Variants in ANXA6 observed in about 807,000 individuals in gnomAD.
ANXA6 encodes annexin A6.
A neutral mutation model predicts 95.4 loss-of-function variants in ANXA6; 71 were observed. The ratio of observed to expected loss-of-function variants is 0.74; its 90% CI spans 0.61 to 0.91. The LOEUF (loss-of-function observed/expected upper bound fraction) is 0.91. Ranked by LOEUF, ANXA6 falls within the 40% of genes least tolerant of loss-of-function variation. The probability of loss-of-function intolerance (pLI) is 0.00; values close to 1 mark genes in which losing one functional copy is unlikely to be tolerated. For missense variants in ANXA6, 830 were observed against 876.4 expected, an observed-to-expected ratio of 0.95 and a Z score of 0.67; for synonymous variants, 289 against 315.9, an observed-to-expected ratio of 0.91 and a Z score of 0.90.
chr5:151,155,392 G>A (rs990995), intron 1 of ANXA6: 94,440 of 151,904 alleles, frequency 0.62, 29,649 homozygotes, highest in East Asian at 0.88. Context: ...TGAAGGTATC[G>A]ATCTCATTCT....
chr5:151,133,339 T>A, intron 8 of ANXA6, 152 bp from the exon 9 acceptor site: 1 of 600,434 alleles, frequency 1.7e-6, no homozygotes, highest in Non-Finnish European at 3.0e-6. Flanking sequence ...ATGCATCATT[T>A]AATGATGGGG....
At chr5:151,145,897 C>T (rs1444000672) in intron 2 of ANXA6, among the ~76,000 whole-genome samples, 2 of 152,124 alleles carry the variant, frequency 1.3e-5, no homozygotes, top group African/African-American at 2.4e-5. Context: ...CCACTCTGAG[C>T]CCCCTTGTTC....
chr5:151,107,428 C>T (rs1200083297), intron 23 of ANXA6, among the ~76,000 whole-genome samples: 1 of 152,148 alleles, frequency 6.6e-6, no homozygotes, highest in Non-Finnish European at 1.5e-5. Flanking sequence ...TGCTTTTATT[C>T]GTCGGGCTAT....
chr5:151,148,289 G>A (rs563019344), intron 1 of ANXA6, among the ~76,000 whole-genome samples: 1 of 152,150 alleles, frequency 6.6e-6, no homozygotes, highest in Non-Finnish European at 1.5e-5. Context: ...TTTTTATAGA[G>A]AGGAAACTGA....
intron 23 of ANXA6, among the ~76,000 whole-genome samples, chr5:151,108,090 T>G (rs899784167): frequency 1.3e-5 from 2 of 152,108 alleles, no homozygotes; most frequent in Non-Finnish European, 2.9e-5. Context: ...TGAGTGTGTG[T>G]CACATGTGAG....
chr5:151,142,481 C>CA (rs35440128), intron 2 of ANXA6, among the ~76,000 whole-genome samples: 15,938 of 132,796 alleles, frequency 0.12, 986 homozygotes, highest in South Asian at 0.19. Flanking sequence ...GACTCTGTCT[C>CA]AAAAAAAAAA....
chr5:151,108,794 TG>T (rs1764769544), intron 22 of ANXA6, among the ~76,000 whole-genome samples: 1 of 152,202 alleles, frequency 6.6e-6, no homozygotes. Flanking sequence ...GCCTGGCCAA[TG>T]GTCTTAGAAC....
chr5:151,138,685 G>A lies in ANXA6; in HGVS notation c.311C>T (p.Ala104Val). ...TACACCCCCACTTCTTACCGAGATG[G>A]CATCTTTAATTTCTTTGGCATCACA... ...AYCDAKEIKD[A>V]ISGIGTDEKC... Residue 104 changes from alanine to valine, a missense_variant, in exon 5 of 26, where the codon GCC (alanine) becomes GTC (valine). Transcript: ENST00000354546. 6.2e-7 allele frequency: 1 copy of A among 1,611,316 alleles called. No individual in the cohort carries two copies. Among genetic ancestry groups the A allele is most frequent in the Middle Eastern group, 1.7e-4 (1 of 6,052 alleles).
chr5:151,142,620 C>T (rs1765867388), intron 2 of ANXA6, among the ~76,000 whole-genome samples: 1 of 152,234 alleles, frequency 6.6e-6, no homozygotes, highest in South Asian at 2.1e-4. Flanking sequence ...TAAGACAAAT[C>T]ATTCTGCCTA....
chr5:151,113,227 C>G lies in ANXA6; in HGVS notation c.1573-2583G>C, dbSNP rs182638735. ...ACCAGTCTGGCCAACATGGTGAAACCCTGTCTCTACTAAAAATACAAAAAA... is the reference window on the plus strand; with the variant it reads ...ACCAGTCTGGCCAACATGGTGAAACGCTGTCTCTACTAAAAATACAAAAAA... On this transcript the variant is annotated intron_variant, in intron 20 of 25. Transcript: ENST00000354546. 9.4e-3 allele frequency among the ~76,000 whole-genome samples: 1,435 copies of G among 152,138 alleles called. 21 individuals carry two copies. Among genetic ancestry groups the G allele is most frequent in the African/African-American group, 0.033 (1,371 of 41,472 alleles).
At position 151,101,039 on chromosome 5, in the gene ANXA6, C is replaced by A. The variant is rs959008053; in HGVS notation, c.*409G>T. ...AGCACATTTACTATCCTTCCCACCACCCCGCCCAGCACATTCAACTGGCCC... is the reference window on the plus strand; with the variant it reads ...AGCACATTTACTATCCTTCCCACCAACCCGCCCAGCACATTCAACTGGCCC... On this transcript the variant is annotated 3_prime_UTR_variant, in exon 26 of 26. Coordinates refer to ENST00000354546, the MANE Select transcript of ANXA6 (RefSeq NM_001155.5). The A allele has an allele frequency of 4.3e-6, 2 of 467,988 alleles. No homozygotes were observed. Among genetic ancestry groups the A allele is most frequent in the Non-Finnish European group, 8.5e-6 (2 of 235,188 alleles). 29.0% of individuals were successfully genotyped at this position (467,988 alleles called of 1,614,324 possible).
chr5:151,130,142 A>G (rs1765454722), intron 11 of ANXA6, among the ~76,000 whole-genome samples: 1 of 152,146 alleles, frequency 6.6e-6, no homozygotes, highest in Non-Finnish European at 1.5e-5. Context: ...ACCACTGTGC[A>G]TTTAGGTTTT....
chr5:151,131,596 G>A (rs1450529937), intron 10 of ANXA6, among the ~76,000 whole-genome samples: 1 of 152,138 alleles, frequency 6.6e-6, no homozygotes, highest in Non-Finnish European at 1.5e-5. Flanking sequence ...TAGGGTCTGG[G>A]GCGAAGGAGG....
intron 15 of ANXA6, among the ~76,000 whole-genome samples, chr5:151,123,489 T>C (rs760467587): frequency 1.2e-4 from 18 of 152,222 alleles, no homozygotes; most frequent in Non-Finnish European, 2.5e-4. Flanking sequence ...CCACAGCAGG[T>C]TGACTCTGGA....
At chr5:151,119,962 C>T (rs1219628107) in intron 17 of ANXA6, among the ~76,000 whole-genome samples, 2 of 152,190 alleles carry the variant, frequency 1.3e-5, no homozygotes, top group Admixed American at 1.3e-4. Context: ...TCACTGCAAC[C>T]TCCGCCTCCC....
intron 25 of ANXA6, 63 bp from the exon 26 acceptor site, chr5:151,101,570 C>T (rs984416416): frequency 3.5e-6 from 5 of 1,432,508 alleles, no homozygotes; most frequent in East Asian, 2.5e-5. Flanking sequence ...CCCCCTCCTC[C>T]CGGCTGCCCA....
chr5:151,141,657 T>C (rs1765838795), intron 2 of ANXA6: 1 of 985,342 alleles, frequency 1.0e-6, no homozygotes, highest in Non-Finnish European at 1.2e-6. Context: ...CTGGTCTCTG[T>C]CTGCAGAGGC....
At chr5:151,141,164 G>C (rs141693661) in intron 2 of ANXA6, among the ~76,000 whole-genome samples, 1 of 152,354 alleles carries the variant, frequency 6.6e-6, no homozygotes, top group Non-Finnish European at 1.5e-5. Context: ...TCACAGAGAA[G>C]TCAGATGTGG....
chr5:151,103,993 C>T (rs952829116), intron 24 of ANXA6, among the ~76,000 whole-genome samples: 5 of 152,200 alleles, frequency 3.3e-5, no homozygotes, highest in Non-Finnish European at 5.9e-5. Context: ...AAGATGAAGG[C>T]ATACTGAATT....
Sources: allele counts gnomAD v4.1 joint callset (sites outside exome capture counted in the v4.1 genomes callset), GRCh38; gene constraint gnomAD v4.1.1; transcripts MANE v1.5; gene names NCBI Gene and HGNC (gene_info 2026-07-23, HGNC 2026-07-21).